Variants in TGFBR3 observed in about 807,000 individuals in gnomAD.
TGFBR3 encodes the protein transforming growth factor beta receptor type 3.
Under a neutral mutation model 87.9 loss-of-function variants are expected in TGFBR3, and 46 were observed. That is an observed-to-expected ratio of 0.52 (90% CI 0.41 to 0.67). TGFBR3 has a LOEUF of 0.67. Among genes scored for constraint, TGFBR3 ranks in the 30% least tolerant of loss-of-function variants. The probability of loss-of-function intolerance (pLI) is 0.00; values close to 1 mark genes in which losing one functional copy is unlikely to be tolerated. For synonymous variants in TGFBR3, 381 were observed against 391.6 expected (o/e 0.97, Z 0.32); for missense variants, 866 against 1,041.9 (o/e 0.83, Z 2.32).
At chr1:91,789,775 G>A (rs775275016) in intron 3 of TGFBR3, among the ~76,000 whole-genome samples, 4 of 152,134 alleles carry the variant, frequency 2.6e-5, no homozygotes, top group South Asian at 4.1e-4. Flanking sequence ...GCCAGCTCTC[G>A]CTTGCATTGT....
intron 2 of TGFBR3, among the ~76,000 whole-genome samples, chr1:91,817,974 A>C (rs2101053096): frequency 6.6e-6 from 1 of 152,198 alleles, no homozygotes; most frequent in African/African-American, 2.4e-5. Flanking sequence ...TATTTAAAAT[A>C]ATGATCATAA....
At chr1:91,701,265 A>G (rs980938602) in intron 14 of TGFBR3, among the ~76,000 whole-genome samples, 1 of 151,212 alleles carries the variant, frequency 6.6e-6, no homozygotes, top group Middle Eastern at 3.4e-3. Context: ...AGCACAAACA[A>G]TAACAAGCAG....
At chr1:91,867,968 G>A (rs892145794) in intron 1 of TGFBR3, among the ~76,000 whole-genome samples, 2 of 152,106 alleles carry the variant, frequency 1.3e-5, no homozygotes, top group African/African-American at 2.4e-5. Context: ...ACCCAGGCTG[G>A]AGTGCAGTGG....
chr1:91,852,219 C>T (rs1422740302), intron 2 of TGFBR3, among the ~76,000 whole-genome samples: 1 of 152,068 alleles, frequency 6.6e-6, no homozygotes, highest in Non-Finnish European at 1.5e-5. Context: ...GCACTCCAGC[C>T]TGGGCAACAG....
chr1:91,867,817 C>T (rs188910071), intron 1 of TGFBR3, among the ~76,000 whole-genome samples: 59 of 152,272 alleles, frequency 3.9e-4, no homozygotes, highest in Admixed American at 2.9e-3. Flanking sequence ...TAGCCCCTAC[C>T]ACGCCCTCAT....
intron 4 of TGFBR3, among the ~76,000 whole-genome samples, chr1:91,753,631 C>T (rs1673635019): frequency 6.6e-6 from 1 of 152,098 alleles, no homozygotes; most frequent in South Asian, 2.1e-4. Flanking sequence ...CAGCCCCTGG[C>T]AATTACTAAT....
At chr1:91,773,735 A>C (rs1238003966) in intron 3 of TGFBR3, among the ~76,000 whole-genome samples, 1 of 152,246 alleles carries the variant, frequency 6.6e-6, no homozygotes, top group Non-Finnish European at 1.5e-5. Flanking sequence ...AGTTGATGTG[A>C]CTGAATTATC....
At chr1:91,887,236 CTTTTTTTTTT>C (rs71087977), upstream of TGFBR3, among the ~76,000 whole-genome samples, 150 of 41,412 alleles carry the variant, frequency 3.6e-3, 3 homozygotes, top group Admixed American at 4.9e-3. Context: ...GGACCTATGC[CTTTTTTTTTT>C]TTTTTTTTTT....
intron 2 of TGFBR3, among the ~76,000 whole-genome samples, chr1:91,839,848 G>C (rs1308136855): frequency 1.3e-5 from 2 of 152,072 alleles, no homozygotes; most frequent in Non-Finnish European, 2.9e-5. Flanking sequence ...TTATACTTTA[G>C]TTAATAATAT....
chr1:91,901,378 T>C (rs1161503415), intron 1 of TGFBR3, among the ~76,000 whole-genome samples: 1 of 152,176 alleles, frequency 6.6e-6, no homozygotes, highest in African/African-American at 2.4e-5. Context: ...TCTGAAAATA[T>C]GCAATGAATG....
intron 1 of TGFBR3, among the ~76,000 whole-genome samples, chr1:91,902,085 T>C (rs1679733171): frequency 6.6e-6 from 1 of 152,180 alleles, no homozygotes; most frequent in Admixed American, 6.6e-5. Context: ...TAATTGCCCC[T>C]ACATCCTTAT....
chr1:91,879,118 A>T (rs1447552720), intron 1 of TGFBR3, among the ~76,000 whole-genome samples: 6 of 151,804 alleles, frequency 4.0e-5, no homozygotes, highest in Admixed American at 2.6e-4. Context: ...AAAATACAAA[A>T]ATTAGCCAGA....
At chr1:91,733,879 G>A (rs549509049) in intron 5 of TGFBR3, among the ~76,000 whole-genome samples, 1 of 152,186 alleles carries the variant, frequency 6.6e-6, no homozygotes, top group East Asian at 1.9e-4. Context: ...ACAAAAAATT[G>A]TAAAAATTAG....
At chr1:91,827,477 A>C (rs1676686851) in intron 2 of TGFBR3, among the ~76,000 whole-genome samples, 1 of 152,154 alleles carries the variant, frequency 6.6e-6, no homozygotes, top group African/African-American at 2.4e-5. Flanking sequence ...CCTTTTCAAA[A>C]ACTGCTATTA....
At chr1:91,863,680 A>G (rs866236688) in intron 1 of TGFBR3, among the ~76,000 whole-genome samples, 1 of 152,222 alleles carries the variant, frequency 6.6e-6, no homozygotes, top group Admixed American at 6.5e-5. Flanking sequence ...ACATTACAAC[A>G]GTCAAAAGGA....
intron 2 of TGFBR3, among the ~76,000 whole-genome samples, chr1:91,820,456 G>A (rs1330597249): frequency 1.3e-5 from 2 of 152,128 alleles, no homozygotes; most frequent in Non-Finnish European, 2.9e-5. Flanking sequence ...GGCCGAGGCG[G>A]GCGGATCATG....
chr1:91,764,209 G>A (rs1210140880), intron 3 of TGFBR3, among the ~76,000 whole-genome samples: 1 of 150,370 alleles, frequency 6.7e-6, no homozygotes. Flanking sequence ...GTGCTGAGAG[G>A]GGCACTGTCA....
rs188411829 is a variant in TGFBR3 at position 91,680,485 on chromosome 1, C to T, written c.*3254G>A. ...AATACAACAGGGGTGTTCAAACTGG[C>T]CACAGGGATTTTAAGGGTACTCGTT... is the stretch of plus-strand genomic sequence containing the variant. On this transcript the variant is annotated 3_prime_UTR_variant, in exon 17 of 17. Transcript: ENST00000212355. 2.1e-3 allele frequency: 959 copies of T among 453,970 alleles called. 1 individual carries two copies. The highest frequency in any genetic ancestry group is 0.017 in the African/African-American group (862 of 50,072). The allele number at this position is 453,970 out of a possible 1,614,324, so 28.1% of individuals were successfully genotyped here.
intron 7 of TGFBR3, among the ~76,000 whole-genome samples, chr1:91,727,011 G>A (rs913287932): frequency 6.6e-6 from 1 of 152,192 alleles, no homozygotes; most frequent in African/African-American, 2.4e-5. Context: ...ATGCCAATGG[G>A]CTAAGCCTTG....
Sources: gnomAD v4.1 joint callset for allele counts (sites outside exome capture counted in the v4.1 genomes callset) on GRCh38, gnomAD v4.1.1 for gene constraint, MANE v1.5 for transcripts, NCBI Gene and HGNC (gene_info 2026-07-23, HGNC 2026-07-21) for gene names.